Variants in SAP130 observed in about 807,000 individuals in gnomAD.
SAP130 encodes the protein histone deacetylase complex subunit SAP130.
SAP130 carries 16 observed loss-of-function variants against 103.2 expected under a neutral mutation model. The ratio of observed to expected loss-of-function variants is 0.16; its 90% confidence interval spans 0.10 to 0.24. The LOEUF is 0.24. Ranked by LOEUF, SAP130 falls within the 10% of genes least tolerant of loss-of-function variation. The pLI is 1.00. For missense variants in SAP130, 990 were observed against 1,359.7 expected (o/e 0.73, Z 4.28); for synonymous variants, 477 against 497.0 (o/e 0.96, Z 0.53).
chr2:127,981,215 C>T (rs1681846626), intron 14 of SAP130, among the ~76,000 whole-genome samples: 1 of 151,920 alleles, frequency 6.6e-6, no homozygotes, highest in Non-Finnish European at 1.5e-5. Flanking sequence ...CATGTCTGTT[C>T]ACCTCGCACA....
intron 15 of SAP130, among the ~76,000 whole-genome samples, chr2:127,969,762 A>C (rs1311273488): frequency 6.6e-6 from 1 of 152,134 alleles, no homozygotes; most frequent in Non-Finnish European, 1.5e-5. Flanking sequence ...TGTTCACATA[A>C]TGTATTTGTC....
At chr2:127,969,228 G>A (rs1024154929) in intron 15 of SAP130, among the ~76,000 whole-genome samples, 3 of 152,148 alleles carry the variant, frequency 2.0e-5, no homozygotes, top group African/African-American at 7.2e-5. Flanking sequence ...TGGGAAGAAG[G>A]ATAAAATGTA....
At chr2:127,978,218 A>G (rs1681613095) in intron 14 of SAP130, 129 bp from the exon 15 acceptor site, 1 of 656,132 alleles carries the variant, frequency 1.5e-6, no homozygotes, top group South Asian at 1.8e-5. Context: ...AGTATTTTTA[A>G]AATGGATTTT....
intron 7 of SAP130, among the ~76,000 whole-genome samples, chr2:128,008,998 A>C (rs1684191699): frequency 6.6e-6 from 1 of 152,038 alleles, no homozygotes; most frequent in Non-Finnish European, 1.5e-5. Flanking sequence ...ACAATCTTAA[A>C]ATGCCTAAAA....
intron 8 of SAP130, 28 bp downstream of exon 8, chr2:128,000,279 A>G: frequency 9.9e-6 from 16 of 1,614,052 alleles, no homozygotes; most frequent in Non-Finnish European, 1.4e-5. Flanking sequence ...AACAAAGTAC[A>G]CAGGTGGTTC....
intron 14 of SAP130, among the ~76,000 whole-genome samples, chr2:127,981,319 A>C (rs1681865337): frequency 7.3e-6 from 1 of 137,154 alleles, no homozygotes; most frequent in Non-Finnish European, 1.6e-5. Flanking sequence ...TGCACCCCCA[A>C]TTCAGCTCCC....
In SAP130 at chr2:127,955,013, G is replaced by T. The variant is rs1679731071; in HGVS notation, c.2395C>A (p.Pro799Thr). ...PEIKVKEEVE[P>T]MDIMRPVSAV... ...GAAACTGGCCTCATGATATCCATTG[G>T]TTCTACTTCTTCTTTCACTTTAATT... The change falls in exon 16 of 21, where the codon CCA becomes ACA. Residue 799 changes from proline (P) to threonine (T), a missense_variant. Physicochemically the swap from Pro to Thr is conservative, Grantham distance 38 (BLOSUM62 -1). Coordinates refer to ENST00000643581, the MANE Select transcript of SAP130 (RefSeq NM_001330301.2). This position sits in a 1 kb window ranked among gnomAD's most constrained non-coding sequence, Gnocchi z 4.9. 12 of 1,613,206 alleles carry T rather than the reference G, an allele frequency of 7.4e-6. No individual in the cohort carries two copies. Among genetic ancestry groups the T allele is most frequent in the Non-Finnish European group, 8.5e-6 (10 of 1,179,386 alleles).
chr2:127,959,555 C>T (rs981364769), intron 15 of SAP130, among the ~76,000 whole-genome samples: 1 of 152,158 alleles, frequency 6.6e-6, no homozygotes, highest in Non-Finnish European at 1.5e-5. Flanking sequence ...GGCAATGCCC[C>T]CTCTTCCCTG....
At position 127,950,160 on chromosome 2, in the gene SAP130, C is replaced by T; in HGVS notation, c.2671G>A (p.Asp891Asn). The change falls in exon 17 of 21, where the codon GAT becomes AAT. Residue 891 changes from aspartate to asparagine, a missense_variant and splice_region_variant. By Grantham distance (23) the Asp-to-Asn change is conservative. This residue lies in a region of SAP130 where 61 missense variants were observed against 73.8 expected (regional missense o/e 0.83). Coordinates refer to ENST00000643581, the MANE Select transcript of SAP130 (RefSeq NM_001330301.2). ...ACACAAGTCAGCCTGTGACCATTAC[C>T]AATATACTCCTTGGGAGGAGACTTG... ...KRKSPPKEYI[D>N]EEGVRYVPVR... The T allele has an allele frequency of 6.2e-7, 1 of 1,614,168 alleles. No individual in the cohort carries two copies.
chr2:127,971,625 T>C (rs1455863913), intron 15 of SAP130, among the ~76,000 whole-genome samples: 1 of 152,172 alleles, frequency 6.6e-6, no homozygotes, highest in Non-Finnish European at 1.5e-5. Flanking sequence ...GCCAATACTC[T>C]CTTGTGCAGT....
At chr2:128,012,160 T>C (rs1684442393) in intron 6 of SAP130, among the ~76,000 whole-genome samples, 1 of 152,162 alleles carries the variant, frequency 6.6e-6, no homozygotes. Context: ...CACAGAGCCA[T>C]TGTGTTAAAA....
At chr2:127,990,308 C>T (rs1020259984) in intron 12 of SAP130, among the ~76,000 whole-genome samples, 5 of 151,120 alleles carry the variant, frequency 3.3e-5, no homozygotes, top group African/African-American at 7.3e-5. Context: ...AAACAGAGAA[C>T]AAGCAAGTGT....
At chr2:128,024,197 C>A (rs1025254273) in intron 2 of SAP130, among the ~76,000 whole-genome samples, 1 of 152,002 alleles carries the variant, frequency 6.6e-6, no homozygotes, top group Non-Finnish European at 1.5e-5. Context: ...ACTAAGTTGG[C>A]GGCCACCCAA....
At chr2:128,001,060 CT>C (rs1683525084) in intron 7 of SAP130, among the ~76,000 whole-genome samples, 1 of 152,154 alleles carries the variant, frequency 6.6e-6, no homozygotes, top group Non-Finnish European at 1.5e-5. Flanking sequence ...AAGCATGGAC[CT>C]TCCTCCCAAT....
At chr2:127,944,600 T>C (rs1426170603) in intron 19 of SAP130, among the ~76,000 whole-genome samples, 1 of 152,042 alleles carries the variant, frequency 6.6e-6, no homozygotes, top group Non-Finnish European at 1.5e-5. Flanking sequence ...CAGCTTATTT[T>C]TGTATTTTTA....
intron 15 of SAP130, among the ~76,000 whole-genome samples, chr2:127,962,854 T>C (rs1680356692): frequency 6.6e-6 from 1 of 150,668 alleles, no homozygotes; most frequent in Non-Finnish European, 1.5e-5. Flanking sequence ...GTTGTGCACA[T>C]GTACCCTAAA....
chr2:127,962,783 A>AC (rs1398671417), intron 15 of SAP130, among the ~76,000 whole-genome samples: 1 of 152,054 alleles, frequency 6.6e-6, no homozygotes, highest in Non-Finnish European at 1.5e-5. Flanking sequence ...ATGCTAAATG[A>AC]CAAGTTAATG....
intron 2 of SAP130, among the ~76,000 whole-genome samples, chr2:128,020,064 G>C (rs1034999795): frequency 6.6e-6 from 1 of 152,110 alleles, no homozygotes; most frequent in African/African-American, 2.4e-5. Context: ...ACAAAGTAAT[G>C]TTGCCCCCAA....
chr2:128,014,717 C>A, intron 5 of SAP130, 86 bp downstream of exon 5: 1 of 929,314 alleles, frequency 1.1e-6, no homozygotes, highest in East Asian at 2.5e-5. Context: ...CAAGCTGATT[C>A]TAGATACATT....
Sources: gnomAD v4.1 joint callset for allele counts (sites outside exome capture counted in the v4.1 genomes callset) on GRCh38, gnomAD v4.1.1 for gene constraint, gnomAD v4.1.1 regional missense constraint, Gnocchi (gnomAD v3.1) non-coding constraint, MANE v1.5 for transcripts, NCBI Gene and HGNC (gene_info 2026-07-23, HGNC 2026-07-21) for gene names.